CCDC62: variants seen among roughly 807,000 people sequenced by gnomAD.
CCDC62 encodes the protein coiled-coil domain containing 62.
CCDC62 carries 72 observed loss-of-function variants against 80.8 expected under a neutral mutation model. The observed-to-expected ratio is 0.89, with a 90% CI of 0.74 to 1.08. The LOEUF (loss-of-function observed/expected upper bound fraction) is 1.08, where lower values mean the gene tolerates loss of function less well. CCDC62 is among the 50% of genes least tolerant of loss of function. The pLI is 0.00. For missense variants in CCDC62, 704 were observed against 809.4 expected (o/e 0.87, Z 1.58); for synonymous variants, 286 against 296.5 (o/e 0.96, Z 0.36).
intron 1 of CCDC62, chr12:122,777,283 A>G (rs1283948755): frequency 4.0e-6 from 2 of 503,294 alleles, no homozygotes; most frequent in East Asian, 6.8e-5. Flanking sequence ...ATGGCATGAC[A>G]GAAAATTGTA....
At chr12:122,815,199 C>T (rs1393973637) in intron 11 of CCDC62, among the ~76,000 whole-genome samples, 3 of 152,144 alleles carry the variant, frequency 2.0e-5, no homozygotes, top group Non-Finnish European at 4.4e-5. Flanking sequence ...CCACCTCAGC[C>T]TCCTGAGTAG....
At chr12:122,777,459 T>G (rs753473952) in intron 1 of CCDC62, 32 bp from the exon 2 acceptor site, 6 of 1,561,234 alleles carry the variant, frequency 3.8e-6, no homozygotes, top group East Asian at 2.3e-5. Flanking sequence ...GATTTCATTC[T>G]ATTTTGATGT....
intron 4 of CCDC62, among the ~76,000 whole-genome samples, chr12:122,786,603 G>A (rs1298050600): frequency 6.6e-6 from 1 of 152,152 alleles, no homozygotes; most frequent in Non-Finnish European, 1.5e-5. Flanking sequence ...AAATGCTCAC[G>A]CTAATAAATA....
At chr12:122,777,906 A>C (rs547815120) in intron 2 of CCDC62, among the ~76,000 whole-genome samples, 2 of 152,184 alleles carry the variant, frequency 1.3e-5, no homozygotes, top group South Asian at 4.1e-4. Flanking sequence ...GGCTGGATGG[A>C]GCTCCAGTCA....
intron 8 of CCDC62, among the ~76,000 whole-genome samples, chr12:122,800,407 C>T (rs2031227112): frequency 6.6e-6 from 1 of 150,822 alleles, no homozygotes. Flanking sequence ...ATAGCAAGAC[C>T]CTGTCTCTAT....
chr12:122,822,459 T>C (rs898401542), intron 11 of CCDC62, among the ~76,000 whole-genome samples: 1 of 151,950 alleles, frequency 6.6e-6, no homozygotes, highest in African/African-American at 2.4e-5. Flanking sequence ...CTAAAACTTT[T>C]CCTCCTGTCT....
intron 6 of CCDC62, among the ~76,000 whole-genome samples, chr12:122,795,987 T>C (rs1306659450): frequency 6.6e-6 from 1 of 152,210 alleles, no homozygotes; most frequent in Non-Finnish European, 1.5e-5. Flanking sequence ...CTCTGTTTTC[T>C]GTGGCCAACT....
At chr12:122,793,232 G>A (rs866269356) in intron 6 of CCDC62, among the ~76,000 whole-genome samples, 1 of 152,140 alleles carries the variant, frequency 6.6e-6, no homozygotes, top group Non-Finnish European at 1.5e-5. Flanking sequence ...CAGAGTAGGG[G>A]TTTTTTAATG....
chr12:122,782,278 G>T (rs952110018), intron 3 of CCDC62, among the ~76,000 whole-genome samples: 3 of 152,194 alleles, frequency 2.0e-5, no homozygotes, highest in African/African-American at 7.2e-5. Flanking sequence ...TACAGTTTTG[G>T]TTAGCTGCAC....
chr12:122,791,647 C>T (rs1199440621), intron 5 of CCDC62, among the ~76,000 whole-genome samples: 1 of 152,140 alleles, frequency 6.6e-6, no homozygotes, highest in East Asian at 1.9e-4. Context: ...CGGGGTTTCA[C>T]CATGTTGGCC....
intron 4 of CCDC62, among the ~76,000 whole-genome samples, chr12:122,786,314 A>T (rs113704264): frequency 5.4e-5 from 8 of 147,756 alleles, no homozygotes; most frequent in Non-Finnish European, 1.2e-4. Context: ...CACCCGGCTA[A>T]TTTTTTTGTA....
intron 9 of CCDC62, among the ~76,000 whole-genome samples, chr12:122,805,742 C>T (rs372811071): frequency 1.1e-4 from 16 of 152,092 alleles, no homozygotes; most frequent in African/African-American, 3.4e-4. Context: ...GATTTCCTGA[C>T]CTCCTGATCC....
chr12:122,784,611 G>A (rs965806874), intron 3 of CCDC62, among the ~76,000 whole-genome samples: 5 of 151,582 alleles, frequency 3.3e-5, no homozygotes, highest in East Asian at 1.9e-4. Flanking sequence ...TGGGAGGATC[G>A]CTTAAGGCCA....
At position 122,784,477 on chromosome 12, in the gene CCDC62, C is replaced by T. The variant is rs1004058606; in HGVS notation, c.397-1242C>T. ...CAGAGGTTGTAGTGAGCCAAGACCA[C>T]GCCACTGCACTCCAGCCTGGCAACA... is the stretch of plus-strand genomic sequence containing the variant. On this transcript the variant is annotated intron_variant, in intron 3 of 12. Coordinates refer to ENST00000253079, the MANE Select transcript of CCDC62 (RefSeq NM_201435.5). Among the ~76,000 whole-genome samples, 7 of 152,184 alleles carry T rather than the reference C, an allele frequency of 4.6e-5. No homozygotes were observed. The East Asian group carries it at 7.7e-4, about 17-fold the overall frequency.
At chr12:122,816,763 T>C (rs2032181422) in intron 11 of CCDC62, among the ~76,000 whole-genome samples, 1 of 151,876 alleles carries the variant, frequency 6.6e-6, no homozygotes, top group Admixed American at 6.6e-5. Flanking sequence ...CATTTTATTA[T>C]TTACATACAA....
intron 10 of CCDC62, among the ~76,000 whole-genome samples, chr12:122,809,834 G>A (rs1251222726): frequency 6.6e-6 from 1 of 151,986 alleles, no homozygotes; most frequent in African/African-American, 2.4e-5. Flanking sequence ...TAGACCAATG[G>A]AACAGAACAG....
intron 11 of CCDC62, among the ~76,000 whole-genome samples, chr12:122,819,662 T>C (rs2032318075): frequency 6.6e-6 from 1 of 152,098 alleles, no homozygotes; most frequent in South Asian, 2.1e-4. Context: ...TGAGCAGACA[T>C]AGAACAGAAT....
intron 8 of CCDC62, among the ~76,000 whole-genome samples, chr12:122,800,908 G>A (rs1028075797): frequency 3.3e-5 from 5 of 152,072 alleles, no homozygotes; most frequent in Non-Finnish European, 7.4e-5. Context: ...TTTTTCTCAT[G>A]TAGACAGTAA....
chr12:122,787,376 G>A (rs1359513717), intron 4 of CCDC62, among the ~76,000 whole-genome samples: 3 of 150,972 alleles, frequency 2.0e-5, no homozygotes, highest in Admixed American at 2.0e-4. Context: ...CCCGGAAGCC[G>A]GGAGGTGGAG....
Sources: allele counts gnomAD v4.1 joint callset (sites outside exome capture counted in the v4.1 genomes callset), GRCh38; gene constraint gnomAD v4.1.1; transcripts MANE v1.5; gene names NCBI Gene and HGNC (gene_info 2026-07-23, HGNC 2026-07-21).